The following ANGPT1 variants were observed in gnomAD, a reference collection of about 807,000 sequenced individuals.
The protein encoded by ANGPT1 is angiopoietin-1.
Under a neutral mutation model 62.2 loss-of-function variants are expected in ANGPT1, and 17 were observed. The ratio of observed to expected loss-of-function variants is 0.27; its 90% CI spans 0.19 to 0.41. The LOEUF (loss-of-function observed/expected upper bound fraction) is 0.41. ANGPT1 is among the 10% of genes least tolerant of loss of function. The probability of loss-of-function intolerance (pLI) is 1.00; values close to 1 mark genes in which losing one functional copy is unlikely to be tolerated. For synonymous variants in ANGPT1, 199 were observed against 198.9 expected, an observed-to-expected ratio of 1.00 and a Z score of 0.00; for missense variants, 478 against 594.9, an observed-to-expected ratio of 0.80 and a Z score of 2.04.
At chr8:107,415,217 C>T (rs1240910106) in intron 1 of ANGPT1, among the ~76,000 whole-genome samples, 2 of 152,068 alleles carry the variant, frequency 1.3e-5, no homozygotes, top group Non-Finnish European at 2.9e-5. Context: ...ACATGGCATA[C>T]AGAAGGGGTT....
intron 1 of ANGPT1, among the ~76,000 whole-genome samples, chr8:107,348,819 G>A (rs759499854): frequency 2.0e-5 from 3 of 152,068 alleles, no homozygotes; most frequent in Non-Finnish European, 4.4e-5. Flanking sequence ...CGGAACAAAT[G>A]CTTCAGGTAG....
At chr8:107,450,177 A>G (rs1811730674) in intron 1 of ANGPT1, among the ~76,000 whole-genome samples, 1 of 152,088 alleles carries the variant, frequency 6.6e-6, no homozygotes, top group African/African-American at 2.4e-5. Context: ...GACATACGGT[A>G]TTGTTGGAAA....
chr8:107,337,285 C>A (rs1815590282), intron 2 of ANGPT1, among the ~76,000 whole-genome samples: 1 of 152,160 alleles, frequency 6.6e-6, no homozygotes, highest in African/African-American at 2.4e-5. Context: ...ACCCAGAACC[C>A]AGATTGTATG....
In ANGPT1 at chr8:107,284,711, G is replaced by A. The variant is rs1478806579; in HGVS notation, c.1176C>T (p.Phe392=). The A allele has an allele frequency of 3.8e-6, 6 of 1,575,882 alleles. No individual in the cohort carries two copies. Among genetic ancestry groups the A allele is most frequent in the Non-Finnish European group, 8.6e-7 (1 of 1,157,300 alleles). ...GNRAYSQYDR[F]HIGNEKQNYR... ...AGTTTTGCTTTTCATTTCCTATGTG[G>A]AATCTGTCATACTGTGAATAGGCTC... Residue 392 remains phenylalanine, a synonymous_variant, in exon 7 of 9, where the codon TTC becomes TTT. Coordinates refer to ENST00000517746, the MANE Select transcript of ANGPT1 (RefSeq NM_001146.5).
chr8:107,451,714 A>AT (rs1234639840), intron 1 of ANGPT1, among the ~76,000 whole-genome samples: 1 of 151,912 alleles, frequency 6.6e-6, no homozygotes, highest in Admixed American at 6.6e-5. Context: ...CAGGGATGCC[A>AT]TTGTGGAGGT....
intron 1 of ANGPT1, among the ~76,000 whole-genome samples, chr8:107,380,834 A>T (rs1475918112): frequency 6.6e-6 from 1 of 152,182 alleles, no homozygotes; most frequent in Non-Finnish European, 1.5e-5. Context: ...GCTGTGTAGG[A>T]CAGAGAACCT....
intron 1 of ANGPT1, among the ~76,000 whole-genome samples, chr8:107,365,250 G>C (rs967126390): frequency 1.3e-5 from 2 of 152,012 alleles, no homozygotes; most frequent in African/African-American, 4.8e-5. Flanking sequence ...TAAATACAAA[G>C]CACATTTATT....
intron 1 of ANGPT1, among the ~76,000 whole-genome samples, chr8:107,442,841 A>G (rs747109342): frequency 7.6e-4 from 116 of 152,338 alleles, no homozygotes; most frequent in Non-Finnish European, 1.1e-3. Context: ...CCTGCTAAGT[A>G]TCTGCTTGTA....
Position 107,267,153 on chromosome 8 carries a change from G to T in ANGPT1, c.1206-2802C>A, listed in dbSNP as rs144966530. 8.2e-3 allele frequency among the ~76,000 whole-genome samples: 1,246 copies of T among 151,868 alleles called. 18 individuals carry two copies. Among genetic ancestry groups the T allele is most frequent in the African/African-American group, 0.028 (1,167 of 41,422 alleles). On this transcript the variant is annotated intron_variant, in intron 7 of 8. Coordinates refer to ENST00000517746, the MANE Select transcript of ANGPT1 (RefSeq NM_001146.5). Reference sequence around the variant, plus strand: ...CCCCATTTCATCTCCCTCTTTAGAGGTATCCTTCAAAAACAACCTCTCTCC... The same window carrying T: ...CCCCATTTCATCTCCCTCTTTAGAGTTATCCTTCAAAAACAACCTCTCTCC...
At chr8:107,349,148 A>AGATAGAT (rs1191653695) in intron 1 of ANGPT1, among the ~76,000 whole-genome samples, 5 of 151,866 alleles carry the variant, frequency 3.3e-5, no homozygotes, top group African/African-American at 1.2e-4. Context: ...ATAGATAGAT[A>AGATAGAT]GATAGATAGA....
chr8:107,359,115 T>C (rs1444284453), intron 1 of ANGPT1, among the ~76,000 whole-genome samples: 2 of 152,202 alleles, frequency 1.3e-5, no homozygotes, highest in African/African-American at 4.8e-5. Flanking sequence ...TTAGATATAT[T>C]AACAGTATTG....
chr8:107,286,252 T>C (rs1257622868), intron 6 of ANGPT1, among the ~76,000 whole-genome samples: 1 of 152,170 alleles, frequency 6.6e-6, no homozygotes, highest in African/African-American at 2.4e-5. Context: ...TTATAAAATG[T>C]TATGCAAATA....
At chr8:107,378,335 T>C (rs1247131399) in intron 1 of ANGPT1, among the ~76,000 whole-genome samples, 1 of 152,194 alleles carries the variant, frequency 6.6e-6, no homozygotes, top group East Asian at 1.9e-4. Flanking sequence ...GAAAGGTGCA[T>C]TTAGAAATAT....
intron 1 of ANGPT1, among the ~76,000 whole-genome samples, chr8:107,416,676 C>A (rs1810756805): frequency 1.3e-5 from 2 of 152,290 alleles, no homozygotes; most frequent in Admixed American, 6.5e-5. Context: ...GGGAACCCAG[C>A]AAGACCTATC....
At chr8:107,408,056 T>G (rs1817185838) in intron 1 of ANGPT1, among the ~76,000 whole-genome samples, 1 of 149,862 alleles carries the variant, frequency 6.7e-6, no homozygotes, top group African/African-American at 2.5e-5. Flanking sequence ...AAGAGTAATG[T>G]ACAGAAATGC....
At chr8:107,497,123 AGCCGTCTT>A (rs1220955795) in intron 1 of ANGPT1, 131 bp downstream of exon 1, 7 of 1,006,726 alleles carry the variant, frequency 7.0e-6, no homozygotes, top group Non-Finnish European at 1.0e-5. Context: ...AAACCCAGAC[AGCCGTCTT>A]GCAATTGCAA....
At chr8:107,371,573 CTTTTTTTT>C (rs5893851) in intron 1 of ANGPT1, among the ~76,000 whole-genome samples, 4 of 102,122 alleles carry the variant, frequency 3.9e-5, no homozygotes, top group Non-Finnish European at 5.8e-5. Flanking sequence ...GCTGAGCATT[CTTTTTTTT>C]TTTTTTTTTT....
At chr8:107,289,460 C>CT (rs1814222005) in intron 6 of ANGPT1, among the ~76,000 whole-genome samples, 1 of 152,008 alleles carries the variant, frequency 6.6e-6, no homozygotes, top group Non-Finnish European at 1.5e-5. Context: ...TGGGTTGCAT[C>CT]TTTTTTCACA....
chr8:107,301,649 T>C (rs1025720849), intron 5 of ANGPT1, among the ~76,000 whole-genome samples: 1 of 151,918 alleles, frequency 6.6e-6, no homozygotes, highest in Non-Finnish European at 1.5e-5. Flanking sequence ...ACCACACTTC[T>C]CTGGTAGATG....
Sources: allele counts gnomAD v4.1 joint callset (sites outside exome capture counted in the v4.1 genomes callset), GRCh38; gene constraint gnomAD v4.1.1; transcripts MANE v1.5; gene names NCBI Gene and HGNC (gene_info 2026-07-23, HGNC 2026-07-21).